OAF: variants seen among roughly 807,000 people sequenced by gnomAD.
The protein encoded by OAF is out at first homolog, also known as out at first protein homolog.
OAF carries 13 observed loss-of-function variants against 22.5 expected under a neutral mutation model. The observed-to-expected ratio is 0.58, with a 90% CI of 0.38 to 0.92. OAF has a LOEUF of 0.92. Ranked by LOEUF, OAF falls within the 40% of genes least tolerant of loss-of-function variation. The pLI is 0.00. For missense variants in OAF, 347 were observed against 381.8 expected (o/e 0.91, Z 0.76); for synonymous variants, 175 against 170.5 (o/e 1.03, Z -0.21).
At chr11:120,228,774 G>A (rs1938394088) in intron 3 of OAF, 94 bp from the exon 4 acceptor site, 1 of 979,258 alleles carries the variant, frequency 1.0e-6, no homozygotes. Context: ...GGATGACAGA[G>A]GAGACCAAGT....
In OAF at chr11:120,211,354, A is replaced by G. The variant is rs1938141917; in HGVS notation, c.75A>G (p.Gly25=). The part of the protein sequence containing the change: ...LLLPLLAPLL[G]TGAPAELRVR... ...TGCCGCTGCTCGCGCCGCTGCTGGGAACGGGTGCGCCGGCCGAGCTGCGGG... is the reference window on the plus strand; with the variant it reads ...TGCCGCTGCTCGCGCCGCTGCTGGGGACGGGTGCGCCGGCCGAGCTGCGGG... Residue 25 remains glycine (G), a synonymous_variant, in exon 1 of 4, where the codon GGA becomes GGG. Coordinates refer to ENST00000328965, the MANE Select transcript of OAF (RefSeq NM_178507.4). 1.4e-6 allele frequency: 2 copies of G among 1,442,314 alleles called. No homozygotes were observed. Among genetic ancestry groups the G allele is most frequent in the East Asian group, 6.0e-5 (2 of 33,518 alleles). 89.3% of individuals were successfully genotyped at this position (1,442,314 alleles called of 1,614,324 possible).
rs1207269043 is a variant in OAF, at chr11:120,211,238, C to A, written c.-42C>A. 6.9e-6 allele frequency: 8 copies of A among 1,162,266 alleles called. No homozygotes were observed. The highest frequency in any genetic ancestry group is 4.6e-5 in the Admixed American group (1 of 21,604). 72.0% of individuals were successfully genotyped at this position (1,162,266 alleles called of 1,614,324 possible). On this transcript the variant is annotated 5_prime_UTR_variant, in exon 1 of 4. Coordinates refer to ENST00000328965, the MANE Select transcript of OAF (RefSeq NM_178507.4). ...GTTTGCCTGCGCCTCTCCCCGCCCC[C>A]ACGCGGCGCGCCGGGGCCGCGGACG...
chr11:120,215,617 A>G (rs913225357), intron 1 of OAF, among the ~76,000 whole-genome samples: 11 of 152,148 alleles, frequency 7.2e-5, no homozygotes, highest in Admixed American at 1.3e-4. Flanking sequence ...TCCACATCCT[A>G]TGGGTGTAAT....
At chr11:120,211,967 C>T (rs1410908482) in intron 1 of OAF, among the ~76,000 whole-genome samples, 1 of 152,188 alleles carries the variant, frequency 6.6e-6, no homozygotes, top group Non-Finnish European at 1.5e-5. Flanking sequence ...GCGAGGCCTC[C>T]CAGCCCTGAC....
rs113565917 is a variant in OAF, at chr11:120,225,534, C to A, written c.232-127C>A. On this transcript the variant is annotated intron_variant, in intron 1 of 3. Coordinates refer to ENST00000328965, the MANE Select transcript of OAF (RefSeq NM_178507.4). ...GAAAAGATAAAAATTCCTAGACCAGCAGGAGGGAGGTGTCTGTTGCCCGGC... is the reference window on the plus strand; with the variant it reads ...GAAAAGATAAAAATTCCTAGACCAGAAGGAGGGAGGTGTCTGTTGCCCGGC... 7.9e-3 allele frequency: 5,606 copies of A among 707,784 alleles called. 185 individuals are homozygous for A. The highest frequency in any genetic ancestry group is 0.078 in the African/African-American group (4,167 of 53,534). 43.8% of individuals were successfully genotyped at this position (707,784 alleles called of 1,614,324 possible). A position where few individuals can be genotyped will look rare whatever the true frequency, so the allele number is the denominator to read the frequency against.
chr11:120,226,384 G>A (rs1020218701), intron 2 of OAF, among the ~76,000 whole-genome samples: 1 of 152,260 alleles, frequency 6.6e-6, no homozygotes, highest in African/African-American at 2.4e-5. Context: ...GAGTTCCCTG[G>A]CCTGCCCAGC....
rs753281905 is a variant in OAF at position 120,228,958 on chromosome 11, C to T, written c.638C>T (p.Pro213Leu). 1 of 1,612,570 alleles carries T rather than the reference C, an allele frequency of 6.2e-7. No individual in the cohort carries two copies. The highest frequency in any genetic ancestry group is 2.2e-5 in the East Asian group (1 of 44,874). The change falls in exon 4 of 4, where the codon CCC (proline) becomes CTC (leucine). Residue 213 changes from proline (P) to leucine (L), a missense_variant. Physicochemically the swap from Pro to Leu is moderately conservative, Grantham distance 98. Coordinates refer to ENST00000328965, the MANE Select transcript of OAF (RefSeq NM_178507.4). ...RCRQVGDHGK[P>L]CVCRYGLSLA... ...AGGCAGGTGGGGGACCACGGGAAGC[C>T]CTGCGTCTGCCGCTATGGCCTGAGC...
In OAF at chr11:120,211,167, G is replaced by A. The variant is rs1938136399; in HGVS notation, c.-113G>A. 2 of 486,986 alleles carry A rather than the reference G, an allele frequency of 4.1e-6. No homozygotes were observed. The highest frequency in any genetic ancestry group is 5.9e-6 in the Non-Finnish European group (2 of 338,576). The allele number at this position is 486,986 out of a possible 1,614,324, so 30.2% of individuals were successfully genotyped here. A position where few individuals can be genotyped will look rare whatever the true frequency, so the allele number is the denominator to read the frequency against. ...CGACCCCGCGGCCAAGGCCCCCGGCGGAGCGGCTCCCGGGCGCCCCGAACT... is the reference window on the plus strand; with the variant it reads ...CGACCCCGCGGCCAAGGCCCCCGGCAGAGCGGCTCCCGGGCGCCCCGAACT... On this transcript the variant is annotated 5_prime_UTR_variant, in exon 1 of 4. Transcript: ENST00000328965.
Position 120,228,969 on chromosome 11 carries a change from C to T in OAF, c.649C>T (p.Arg217Cys), listed in dbSNP as rs546311468. Reference protein sequence around the residue: ...VGDHGKPCVCRYGLSLAWYPC... With the variant: ...VGDHGKPCVCCYGLSLAWYPC... ...GGACCACGGGAAGCCCTGCGTCTGC[C>T]GCTATGGCCTGAGCCTGGCCTGGTA... The change falls in exon 4 of 4, where the codon CGC (arginine) becomes TGC (cysteine). Residue 217 changes from arginine (R) to cysteine (C), a missense_variant. Arg to Cys is a radical substitution (Grantham distance 180). Coordinates refer to ENST00000328965, the MANE Select transcript of OAF (RefSeq NM_178507.4). 1.2e-6 allele frequency: 2 copies of T among 1,613,042 alleles called. No individual in the cohort carries two copies. Among genetic ancestry groups the T allele is most frequent in the East Asian group, 2.2e-5 (1 of 44,878 alleles).
intron 2 of OAF, 28 bp from the exon 3 acceptor site, chr11:120,226,788 G>A (rs1938362125): frequency 6.4e-7 from 1 of 1,563,262 alleles, no homozygotes; most frequent in Admixed American, 1.7e-5. Flanking sequence ...CTGAAGCCAG[G>A]TAGGAGTGAC....
At chr11:120,215,315 C>T (rs912458318) in intron 1 of OAF, among the ~76,000 whole-genome samples, 2 of 152,196 alleles carry the variant, frequency 1.3e-5, no homozygotes, top group Non-Finnish European at 2.9e-5. Flanking sequence ...GATCGCGCCA[C>T]TGCACTCCAG....
At chr11:120,227,836 C>T (rs528639990) in intron 3 of OAF, among the ~76,000 whole-genome samples, 2 of 152,182 alleles carry the variant, frequency 1.3e-5, no homozygotes, top group South Asian at 4.1e-4. Context: ...TGTGGTCTTG[C>T]CCCCCACACA....
chr11:120,223,164 G>T (rs770213153), intron 1 of OAF, among the ~76,000 whole-genome samples: 2 of 152,190 alleles, frequency 1.3e-5, no homozygotes, highest in African/African-American at 2.4e-5. Context: ...AGGGCAGACC[G>T]CACAACCTCT....
At chr11:120,224,465 G>T (rs1186050541) in intron 1 of OAF, among the ~76,000 whole-genome samples, 1 of 152,222 alleles carries the variant, frequency 6.6e-6, no homozygotes, top group Non-Finnish European at 1.5e-5. Context: ...TTAGGGGAAA[G>T]CCTGGAGGAC....
rs374556588 is a variant in OAF, at chr11:120,229,144, G to A, written c.*2G>A. The A allele has an allele frequency of 6.2e-7, 1 of 1,607,260 alleles. No individual in the cohort carries two copies. The highest frequency in any genetic ancestry group is 1.3e-5 in the African/African-American group (1 of 74,908). On this transcript the variant is annotated 3_prime_UTR_variant, in exon 4 of 4. Coordinates refer to ENST00000328965, the MANE Select transcript of OAF (RefSeq NM_178507.4). Reference sequence around the variant, plus strand: ...GATGAGGATCCCTACCCAGGCTAGGGTGGGAGCAACCTGGCGGGTGGCTGC... The same window carrying A: ...GATGAGGATCCCTACCCAGGCTAGGATGGGAGCAACCTGGCGGGTGGCTGC...
rs1458401867 is a variant in OAF, at chr11:120,222,249, T to C, written c.232-3412T>C. Among the ~76,000 whole-genome samples, 3 of 152,192 alleles carry C rather than the reference T, an allele frequency of 2.0e-5. No homozygotes were observed. In the East Asian group the frequency reaches 5.8e-4, roughly 29 times the overall value. ...TTCTCAGGGATCAGCAAGTGGAATG[T>C]GCTTTTCTGGGGAAATAGGACGAAA... is the stretch of plus-strand genomic sequence containing the variant. On this transcript the variant is annotated intron_variant, in intron 1 of 3. Coordinates refer to ENST00000328965, the MANE Select transcript of OAF (RefSeq NM_178507.4).
intron 1 of OAF, among the ~76,000 whole-genome samples, chr11:120,211,790 A>T (rs1232525437): frequency 1.3e-5 from 2 of 151,282 alleles, no homozygotes; most frequent in Non-Finnish European, 1.5e-5. Context: ...TAACGACTGG[A>T]CTCCCTTCTT....
At chr11:120,219,472 G>C (rs1455197988) in intron 1 of OAF, among the ~76,000 whole-genome samples, 2 of 152,166 alleles carry the variant, frequency 1.3e-5, no homozygotes, top group East Asian at 3.9e-4. Context: ...GGGCTGGTGT[G>C]ACAGCCCCGC....
intron 1 of OAF, among the ~76,000 whole-genome samples, chr11:120,220,093 G>T (rs1938261310): frequency 6.6e-6 from 1 of 152,178 alleles, no homozygotes; most frequent in South Asian, 2.1e-4. Context: ...TAACTGCCTG[G>T]GCAGAAGGTG....
Sources: gnomAD v4.1 joint callset for allele counts (sites outside exome capture counted in the v4.1 genomes callset) on GRCh38, gnomAD v4.1.1 for gene constraint, MANE v1.5 for transcripts, NCBI Gene and HGNC (gene_info 2026-07-23, HGNC 2026-07-21) for gene names.